GRID1: variants seen among roughly 807,000 people sequenced by gnomAD.
The protein encoded by GRID1 is glutamate receptor ionotropic, delta-1.
In GRID1, 28 loss-of-function variants were observed where a neutral mutation model predicts 98.0. The observed-to-expected ratio is 0.29, with a 90% CI of 0.21 to 0.39. GRID1 has a LOEUF of 0.39. GRID1 is among the 10% of genes least tolerant of loss of function. The pLI, the probability that GRID1 is intolerant of heterozygous loss-of-function variation, is 1.00. For synonymous variants in GRID1, 553 were observed against 538.5 expected, an observed-to-expected ratio of 1.03 and a Z score of -0.37; for missense variants, 1,111 against 1,340.5, an observed-to-expected ratio of 0.83 and a Z score of 2.67.
rs1430709097 is a variant in GRID1, at chr10:86,281,774, T to G, written c.236-75126A>C. 2.0e-5 allele frequency among the ~76,000 whole-genome samples: 3 copies of G among 152,086 alleles called. 1 individual carries two copies. Among genetic ancestry groups the G allele is most frequent in the Non-Finnish European group, 4.4e-5 (3 of 68,026 alleles). On this transcript the variant is annotated intron_variant, in intron 2 of 15. Transcript: ENST00000327946. ...ATGTCCCATCTCCAGAAATGCAATT[T>G]CAATTGATCAGAGCTTGAGCACACT...
intron 4 of GRID1, among the ~76,000 whole-genome samples, chr10:85,928,578 C>T (rs986235651): frequency 1.3e-5 from 2 of 152,212 alleles, no homozygotes; most frequent in African/African-American, 4.8e-5. Context: ...TTCCCCCTTG[C>T]ACCACGACTG....
chr10:86,177,463 GA>G (rs1845592565), intron 3 of GRID1, among the ~76,000 whole-genome samples: 1 of 152,000 alleles, frequency 6.6e-6, no homozygotes, highest in South Asian at 2.1e-4. Context: ...ATGCATTACA[GA>G]GAGAGAGACA....
chr10:86,173,006 T>C (rs903134296), intron 3 of GRID1, among the ~76,000 whole-genome samples: 1 of 152,196 alleles, frequency 6.6e-6, no homozygotes, highest in Admixed American at 6.5e-5. Flanking sequence ...TACATTTCAA[T>C]TGTGTCTCCA....
At chr10:86,339,957 A>G (rs1466651357) in intron 2 of GRID1, among the ~76,000 whole-genome samples, 2 of 149,438 alleles carry the variant, frequency 1.3e-5, no homozygotes, top group African/African-American at 5.1e-5. Flanking sequence ...GGAGAAAGAC[A>G]GGCAGCACCA....
intron 3 of GRID1, among the ~76,000 whole-genome samples, chr10:86,151,708 G>C (rs1845171735): frequency 6.6e-6 from 1 of 152,162 alleles, no homozygotes; most frequent in South Asian, 2.1e-4. Context: ...AAGCAACCTG[G>C]GACGGGTTCC....
At chr10:85,980,904 T>C (rs560404184) in intron 4 of GRID1, among the ~76,000 whole-genome samples, 1 of 152,260 alleles carries the variant, frequency 6.6e-6, no homozygotes, top group South Asian at 2.1e-4. Flanking sequence ...CATTTCACAG[T>C]GAGGATTTGG....
chr10:85,923,562 C>T (rs922622879), intron 4 of GRID1, among the ~76,000 whole-genome samples: 46 of 152,108 alleles, frequency 3.0e-4, no homozygotes, highest in African/African-American at 1.0e-3. Context: ...CCTCTACACA[C>T]GATCCCTCCC....
chr10:86,026,031 C>T (rs1244812489), intron 4 of GRID1, among the ~76,000 whole-genome samples: 1 of 152,242 alleles, frequency 6.6e-6, no homozygotes, highest in Non-Finnish European at 1.5e-5. Context: ...AAGACCTTCA[C>T]TGGCACTGCC....
chr10:86,046,697 G>C (rs967373374), intron 4 of GRID1, among the ~76,000 whole-genome samples: 1 of 152,098 alleles, frequency 6.6e-6, no homozygotes, highest in Non-Finnish European at 1.5e-5. Flanking sequence ...AGAAGGGATT[G>C]TTATCTTGAC....
intron 2 of GRID1, among the ~76,000 whole-genome samples, chr10:86,207,844 A>G (rs1846054509): frequency 1.3e-5 from 2 of 152,050 alleles, no homozygotes; most frequent in East Asian, 1.9e-4. Flanking sequence ...GTTAGCCAGG[A>G]TGGTCTCGAT....
At chr10:85,792,682 G>T (rs992407330) in intron 8 of GRID1, among the ~76,000 whole-genome samples, 1 of 152,162 alleles carries the variant, frequency 6.6e-6, no homozygotes, top group East Asian at 1.9e-4. Context: ...AGGTTCAAAG[G>T]CAGGGCCACT....
chr10:85,704,384 A>G (rs4384334), intron 12 of GRID1, among the ~76,000 whole-genome samples: 88,297 of 151,890 alleles, frequency 0.58, 26,575 homozygotes, highest in African/African-American at 0.73. Flanking sequence ...GCCATTACAT[A>G]ATGGTAAAGG....
rs141609885 is a variant in GRID1, at chr10:85,723,533, G to A, written c.1859-392C>T. On this transcript the variant is annotated intron_variant, in intron 11 of 15. Transcript: ENST00000327946. The stretch of plus-strand genomic sequence containing the variant: ...TTTCAAATTCATATATAGCAGACTC[G>A]GGAATTCTGTAAATATAGAAATAAC... 3.2e-4 allele frequency among the ~76,000 whole-genome samples: 49 copies of A among 152,206 alleles called. No individual in the cohort carries two copies. In the East Asian group the frequency reaches 4.6e-3, roughly 14 times the overall value.
intron 4 of GRID1, among the ~76,000 whole-genome samples, chr10:85,936,721 A>T (rs573582851): frequency 3.2e-4 from 49 of 152,272 alleles, no homozygotes; most frequent in African/African-American, 1.2e-3. Context: ...GCCCTTGTTT[A>T]CTTGCCTCTA....
At chr10:85,707,243 T>C (rs1293666715) in intron 12 of GRID1, among the ~76,000 whole-genome samples, 1 of 151,788 alleles carries the variant, frequency 6.6e-6, no homozygotes, top group Admixed American at 6.6e-5. Flanking sequence ...CAGAATCTAC[T>C]ATGAACTCAA....
Position 85,848,511 on chromosome 10 carries a change from C to T in GRID1, c.1233+5985G>A, listed in dbSNP as rs1195810081. Reference sequence around the variant, plus strand: ...AAATGAGGAGATATTCCCAATATAACATTTAGTAGGAAGGTCAGGATATAA... The same window carrying T: ...AAATGAGGAGATATTCCCAATATAATATTTAGTAGGAAGGTCAGGATATAA... On this transcript the variant is annotated intron_variant, in intron 8 of 15. Transcript: ENST00000327946. Among the ~76,000 whole-genome samples the T allele has an allele frequency of 3.3e-5, 5 of 151,954 alleles. No homozygotes were observed. In the South Asian group the frequency reaches 8.3e-4, roughly 25 times the overall value.
intron 4 of GRID1, among the ~76,000 whole-genome samples, chr10:86,008,600 G>C (rs932845941): frequency 1.3e-5 from 2 of 152,008 alleles, no homozygotes; most frequent in African/African-American, 4.8e-5. Context: ...AGACACAAAT[G>C]GTCTTCTCAC....
chr10:86,362,974 G>A (rs1473461546), intron 2 of GRID1, among the ~76,000 whole-genome samples: 2 of 152,268 alleles, frequency 1.3e-5, no homozygotes, highest in Non-Finnish European at 2.9e-5. Flanking sequence ...AGGGGCGCTG[G>A]CCCCAGAGTC....
intron 3 of GRID1, among the ~76,000 whole-genome samples, chr10:86,184,146 T>C (rs961209491): frequency 1.3e-5 from 2 of 152,258 alleles, no homozygotes; most frequent in Non-Finnish European, 1.5e-5. Flanking sequence ...TTTTATACTC[T>C]ATACATGATT....
Sources: gnomAD v4.1 joint callset for allele counts (sites outside exome capture counted in the v4.1 genomes callset) on GRCh38, gnomAD v4.1.1 for gene constraint, MANE v1.5 for transcripts, NCBI Gene and HGNC (gene_info 2026-07-23, HGNC 2026-07-21) for gene names.